CCSER2: variants seen among roughly 807,000 people sequenced by gnomAD.
CCSER2 encodes the protein serine-rich coiled-coil domain-containing protein 2.
Under a neutral mutation model 92.3 loss-of-function variants are expected in CCSER2, and 46 were observed. The ratio of observed to expected loss-of-function variants is 0.50; its 90% CI spans 0.39 to 0.64. The LOEUF is 0.64. Ranked by LOEUF, CCSER2 falls within the 30% of genes least tolerant of loss-of-function variation. CCSER2 has a pLI of 0.00. For synonymous variants in CCSER2, 433 were observed against 431.4 expected, an observed-to-expected ratio of 1.00 and a Z score of -0.04; for missense variants, 1,244 against 1,238.9, an observed-to-expected ratio of 1.00 and a Z score of -0.06.
At chr10:84,498,544 A>G (rs1463759336) in intron 9 of CCSER2, among the ~76,000 whole-genome samples, 1 of 152,138 alleles carries the variant, frequency 6.6e-6, no homozygotes, top group African/African-American at 2.4e-5. Context: ...GTATTTGATT[A>G]TACCTGAGTC....
chr10:84,417,164 A>G (rs765101882), intron 3 of CCSER2, among the ~76,000 whole-genome samples: 3 of 152,230 alleles, frequency 2.0e-5, no homozygotes, highest in Non-Finnish European at 4.4e-5. Flanking sequence ...ATAAAACACT[A>G]CTTTTTTAAG....
In CCSER2 at chr10:84,514,366, T is replaced by C. The variant is rs1463555824; in HGVS notation, c.*99T>C. On this transcript the variant is annotated 3_prime_UTR_variant, in exon 10 of 10. Coordinates refer to ENST00000372088, the MANE Select transcript of CCSER2 (RefSeq NM_001284240.2). ...GCTTGCTACTGTGGTGGAGGTTCCA[T>C]TGAAAGCCTGCAAATCTTAAATTAA... The C allele has an allele frequency of 2.1e-5, 17 of 819,328 alleles. No homozygotes were observed. Among genetic ancestry groups the C allele is most frequent in the Non-Finnish European group, 2.2e-5 (12 of 539,522 alleles). The allele number at this position is 819,328 out of a possible 1,614,324, so 50.8% of individuals were successfully genotyped here. A position where few individuals can be genotyped will look rare whatever the true frequency, so the allele number is the denominator to read the frequency against.
intron 3 of CCSER2, among the ~76,000 whole-genome samples, chr10:84,409,941 G>A (rs901058299): frequency 2.6e-5 from 4 of 151,994 alleles, no homozygotes; most frequent in Admixed American, 2.0e-4. Flanking sequence ...CTAGGTCCCA[G>A]TGCATGTTGT....
chr10:84,352,417 A>G (rs529616049), intron 1 of CCSER2, among the ~76,000 whole-genome samples: 1 of 152,126 alleles, frequency 6.6e-6, no homozygotes, highest in Non-Finnish European at 1.5e-5. Context: ...GACATAGTTC[A>G]TGGCACTGGC....
At chr10:84,483,069 A>G (rs540267372) in intron 9 of CCSER2, among the ~76,000 whole-genome samples, 5 of 152,062 alleles carry the variant, frequency 3.3e-5, no homozygotes, top group South Asian at 2.1e-4. Context: ...TGTAATTTAT[A>G]TAAGTTCAGC....
intron 6 of CCSER2, among the ~76,000 whole-genome samples, chr10:84,447,865 G>A (rs1041172050): frequency 6.6e-6 from 1 of 152,076 alleles, no homozygotes; most frequent in African/African-American, 2.4e-5. Context: ...GCTGGGCAGT[G>A]GTGCAGTGTC....
In CCSER2 at chr10:84,372,344, C is replaced by A; in HGVS notation, c.1292C>A (p.Pro431Gln). 6.2e-7 allele frequency: 1 copy of A among 1,611,960 alleles called. No individual in the cohort carries two copies. Among genetic ancestry groups the A allele is most frequent in the South Asian group, 1.1e-5 (1 of 90,860 alleles). Residue 431 changes from proline to glutamine, a missense_variant, in exon 2 of 10, where the codon CCA (proline) becomes CAA (glutamine). Transcript: ENST00000372088. ...GACTCCAACAGAACTAGAATAACTCCAGAGGAAATGTCTCTCAAAGAAGAG... is the reference window on the plus strand; with the variant it reads ...GACTCCAACAGAACTAGAATAACTCAAGAGGAAATGTCTCTCAAAGAAGAG... ...IEDSNRTRIT[P>Q]EEMSLKEEKH...
At chr10:84,436,784 A>T (rs184712348) in intron 5 of CCSER2, among the ~76,000 whole-genome samples, 85 of 152,312 alleles carry the variant, frequency 5.6e-4, no homozygotes, top group African/African-American at 1.9e-3. Context: ...CTTGGGTTAA[A>T]AGAAAGTTGG....
intron 6 of CCSER2, chr10:84,455,273 TTTTC>T (rs919091629): frequency 2.9e-4 from 31 of 105,334 alleles, no homozygotes; most frequent in Admixed American, 6.4e-4. Flanking sequence ...TTCTTTTTCT[TTTTC>T]TTTTTCTTTT....
At chr10:84,505,968 A>G (rs111876132) in intron 9 of CCSER2, among the ~76,000 whole-genome samples, 37 of 152,230 alleles carry the variant, frequency 2.4e-4, no homozygotes, top group African/African-American at 7.5e-4. Context: ...ATGGAACTGT[A>G]CTATTATGAT....
chr10:84,333,157 T>C lies in CCSER2; in HGVS notation c.-40+4349T>C, dbSNP rs1843669404. On this transcript the variant is annotated intron_variant, in intron 1 of 9. Transcript: ENST00000372088. ...ATATATTGGTTAATTGAAATTTTTG[T>C]CTGTTCAAGATTAACCAGAGGGTTG... Among the ~76,000 whole-genome samples the C allele has an allele frequency of 2.0e-5, 3 of 152,336 alleles. No homozygotes were observed. In the South Asian group the frequency reaches 6.2e-4, roughly 32 times the overall value.
At chr10:84,460,185 G>A (rs1203212267) in intron 6 of CCSER2, among the ~76,000 whole-genome samples, 1 of 146,840 alleles carries the variant, frequency 6.8e-6, no homozygotes, top group East Asian at 2.0e-4. Flanking sequence ...TGCCTCCCAG[G>A]TTCAAGCAAT....
At chr10:84,350,615 T>A (rs1844808759) in intron 1 of CCSER2, among the ~76,000 whole-genome samples, 1 of 152,234 alleles carries the variant, frequency 6.6e-6, no homozygotes, top group Non-Finnish European at 1.5e-5. Context: ...AGCTTATTTT[T>A]TAATGCTTTC....
At chr10:84,390,896 G>A (rs1467199377) in intron 3 of CCSER2, 2 of 708,682 alleles carry the variant, frequency 2.8e-6, no homozygotes, top group East Asian at 2.6e-5. Flanking sequence ...ACATGTATCT[G>A]GTTTTGCTGC....
chr10:84,472,816 A>G (rs1270894543), intron 8 of CCSER2, among the ~76,000 whole-genome samples: 1 of 152,190 alleles, frequency 6.6e-6, no homozygotes, highest in Non-Finnish European at 1.5e-5. Flanking sequence ...CATAGCTCAA[A>G]TTATATTATT....
intron 6 of CCSER2, among the ~76,000 whole-genome samples, chr10:84,458,623 A>T (rs1482816472): frequency 6.6e-6 from 1 of 152,160 alleles, no homozygotes; most frequent in African/African-American, 2.4e-5. Context: ...TTTGGAAGAG[A>T]ATTGATATCT....
chr10:84,438,728 T>G (rs771759657), intron 6 of CCSER2, 21 bp downstream of exon 6: 17 of 1,447,858 alleles, frequency 1.2e-5, no homozygotes, highest in Non-Finnish European at 1.6e-5. Flanking sequence ...AATGAACATT[T>G]CCAGCTCTGA....
intron 9 of CCSER2, among the ~76,000 whole-genome samples, chr10:84,481,828 A>T (rs933697199): frequency 2.0e-5 from 3 of 152,104 alleles, no homozygotes; most frequent in Non-Finnish European, 4.4e-5. Flanking sequence ...GAGGGCAGCC[A>T]TAGGACCGTA....
In CCSER2 at chr10:84,417,855, GA is replaced by G; in HGVS notation, c.1703del (p.Asn568MetfsTer7). 2 of 1,534,274 alleles carry G rather than the reference GA, an allele frequency of 1.3e-6. No individual in the cohort carries two copies. The highest frequency in any genetic ancestry group is 1.1e-5 in the South Asian group (1 of 89,420). On this transcript the variant is annotated frameshift_variant, in exon 4 of 10. Coordinates refer to ENST00000372088, the MANE Select transcript of CCSER2 (RefSeq NM_001284240.2). LOFTEE classifies it high-confidence loss of function. ...DVDLPEDAPL[E>X]NVECDNMNRF... ...GGATCTGCCTGAGGATGCACCTCTTGAAAATGGTAAGTTGAGACAATATTGA... is the reference window on the plus strand; with the variant it reads ...GGATCTGCCTGAGGATGCACCTCTTGAAATGGTAAGTTGAGACAATATTGA...
Sources: gnomAD v4.1 joint callset for allele counts (sites outside exome capture counted in the v4.1 genomes callset) on GRCh38, gnomAD v4.1.1 for gene constraint, MANE v1.5 for transcripts, NCBI Gene and HGNC (gene_info 2026-07-23, HGNC 2026-07-21) for gene names.